AQR: variants seen among roughly 807,000 people sequenced by gnomAD.
The protein encoded by AQR is aquarius intron-binding spliceosomal factor, also known as RNA helicase aquarius.
In AQR, 61 loss-of-function variants were observed where a neutral mutation model predicts 180.5. The ratio of observed to expected loss-of-function variants is 0.34; its 90% CI spans 0.28 to 0.42. The LOEUF is 0.42. AQR is among the 10% of genes least tolerant of loss of function. The probability of loss-of-function intolerance (pLI) is 1.00; values close to 1 mark genes in which losing one functional copy is unlikely to be tolerated. For missense variants in AQR, 1,281 were observed against 1,798.3 expected (o/e 0.71, Z 5.20); for synonymous variants, 551 against 588.8 (o/e 0.94, Z 0.93).
intron 20 of AQR, among the ~76,000 whole-genome samples, chr15:34,898,655 CG>C (rs1893283550): frequency 6.6e-6 from 1 of 150,988 alleles, no homozygotes; most frequent in African/African-American, 2.4e-5. Context: ...GAGGCCGAGG[CG>C]GGTGAATCAC....
At chr15:34,925,353 G>A (rs1191544287) in intron 13 of AQR, among the ~76,000 whole-genome samples, 1 of 152,126 alleles carries the variant, frequency 6.6e-6, no homozygotes, top group Non-Finnish European at 1.5e-5. Flanking sequence ...GCATTAGTAG[G>A]GAGAAAAATA....
chr15:34,959,671 T>C (rs929021782), intron 3 of AQR, among the ~76,000 whole-genome samples: 2 of 152,362 alleles, frequency 1.3e-5, no homozygotes, highest in African/African-American at 2.4e-5. Context: ...TTTAGGATCA[T>C]CTTTGATTCT....
Position 34,893,701 on chromosome 15 carries a change from G to C in AQR, c.2533C>G (p.Pro845Ala). 1 of 1,612,982 alleles carries C rather than the reference G, an allele frequency of 6.2e-7. No individual in the cohort carries two copies. The highest frequency in any genetic ancestry group is 1.1e-5 in the South Asian group (1 of 91,048). The change falls in exon 23 of 35, where the codon CCA becomes GCA. Residue 845 changes from proline to alanine, a missense_variant. Coordinates refer to ENST00000156471, the MANE Select transcript of AQR (RefSeq NM_014691.3). ...GTAACAATTAGAGTCCTCTGTTCTG[G>C]GAAGTTGTGGTAGATGTTGGATATG... ...QIISNIYHNF[P>A]EQRTLIVTHS...
At chr15:34,938,028 T>G (rs1364619427) in intron 9 of AQR, among the ~76,000 whole-genome samples, 1 of 151,932 alleles carries the variant, frequency 6.6e-6, no homozygotes, top group African/African-American at 2.4e-5. Flanking sequence ...AGCTCATATC[T>G]CAGTAATATT....
chr15:34,885,891 T>C (rs1893052719), intron 25 of AQR, among the ~76,000 whole-genome samples: 1 of 152,172 alleles, frequency 6.6e-6, no homozygotes, highest in Non-Finnish European at 1.5e-5. Context: ...CAAATGAAGT[T>C]ATACAAAAAT....
At chr15:34,896,679 C>G (rs1436262993) in intron 22 of AQR, among the ~76,000 whole-genome samples, 1 of 152,112 alleles carries the variant, frequency 6.6e-6, no homozygotes, top group African/African-American at 2.4e-5. Flanking sequence ...AAAACCCTGC[C>G]TCTACTAAAA....
intron 24 of AQR, 111 bp downstream of exon 24, chr15:34,890,104 A>G: frequency 1.1e-6 from 1 of 907,590 alleles, no homozygotes; most frequent in Non-Finnish European, 1.6e-6. Context: ...TTAAGTTAGA[A>G]CCTTTCAGAA....
chr15:34,872,069 A>C (rs1347841004), intron 30 of AQR, among the ~76,000 whole-genome samples: 1 of 152,042 alleles, frequency 6.6e-6, no homozygotes, highest in Non-Finnish European at 1.5e-5. Flanking sequence ...AGCTTGAGTT[A>C]CAAGTTCATT....
At chr15:34,935,106 TTA>T (rs1346130786) in intron 9 of AQR, among the ~76,000 whole-genome samples, 3 of 152,054 alleles carry the variant, frequency 2.0e-5, no homozygotes, top group Non-Finnish European at 4.4e-5. Flanking sequence ...GCACTGAAAA[TTA>T]GAGAGGTAAT....
At chr15:34,872,054 C>A (rs553756533) in intron 30 of AQR, among the ~76,000 whole-genome samples, 25 of 151,596 alleles carry the variant, frequency 1.6e-4, no homozygotes, top group Non-Finnish European at 3.2e-4. Context: ...TTCTTTGTGA[C>A]GCACAGCTTG....
At chr15:34,895,956 T>C (rs1893237614) in intron 22 of AQR, among the ~76,000 whole-genome samples, 1 of 152,166 alleles carries the variant, frequency 6.6e-6, no homozygotes, top group Non-Finnish European at 1.5e-5. Flanking sequence ...TGCTGGGCCA[T>C]AAAACAAATT....
In AQR at chr15:34,856,589, T is replaced by C. The variant is rs1892588271; in HGVS notation, c.*203A>G. ...ACATGAAAGGAATGGTTATTTGCTCTTCTGATTGAACAAATGAAACTAGAA... is the reference window on the plus strand; with the variant it reads ...ACATGAAAGGAATGGTTATTTGCTCCTCTGATTGAACAAATGAAACTAGAA... On this transcript the variant is annotated 3_prime_UTR_variant, in exon 35 of 35. Coordinates refer to ENST00000156471, the MANE Select transcript of AQR (RefSeq NM_014691.3). 1 of 461,684 alleles carries C rather than the reference T, an allele frequency of 2.2e-6. No homozygotes were observed. Among genetic ancestry groups the C allele is most frequent in the African/African-American group, 2.0e-5 (1 of 50,542 alleles). The allele number at this position is 461,684 out of a possible 1,614,324, so 28.6% of individuals were successfully genotyped here.
intron 6 of AQR, chr15:34,943,335 A>C (rs1894056324): frequency 6.7e-7 from 1 of 1,499,714 alleles, no homozygotes; most frequent in African/African-American, 1.4e-5. Context: ...GGCTATTAAA[A>C]GATGCAAGCA....
intron 8 of AQR, among the ~76,000 whole-genome samples, chr15:34,939,534 G>C (rs1249368043): frequency 5.9e-5 from 9 of 152,106 alleles, no homozygotes. Context: ...GTATAATAGA[G>C]TATTACAATA....
At chr15:34,942,232 C>T (rs1894034041) in intron 6 of AQR, 152 bp from the exon 7 acceptor site, 3 of 456,216 alleles carry the variant, frequency 6.6e-6, no homozygotes, top group Non-Finnish European at 1.1e-5. Flanking sequence ...AAGTTCAATG[C>T]TTTAAAAAAG....
intron 19 of AQR, among the ~76,000 whole-genome samples, chr15:34,901,728 G>A (rs924743915): frequency 6.6e-6 from 1 of 152,136 alleles, no homozygotes; most frequent in Admixed American, 6.5e-5. Flanking sequence ...ACACTTACCA[G>A]TACCTGACAT....
chr15:34,951,674 A>G (rs993141225), intron 4 of AQR, among the ~76,000 whole-genome samples: 4 of 152,034 alleles, frequency 2.6e-5, no homozygotes, highest in Non-Finnish European at 5.9e-5. Context: ...TCTCAAAAAA[A>G]AAAAAAAAAA....
intron 15 of AQR, among the ~76,000 whole-genome samples, chr15:34,917,994 CA>C (rs1169997577): frequency 6.6e-6 from 1 of 151,098 alleles, no homozygotes; most frequent in Non-Finnish European, 1.5e-5. Context: ...CACTAACAAA[CA>C]AAAAAAACCA....
rs530602023 is a variant in AQR, at chr15:34,912,858, C to T, written c.1484+2180G>A. On this transcript the variant is annotated intron_variant, in intron 16 of 34. Coordinates refer to ENST00000156471, the MANE Select transcript of AQR (RefSeq NM_014691.3). ...AGATAAACTGCCTCCTATGTAAAGA[C>T]TTTATGTCACAACAAAAAATTGTAG... Among the ~76,000 whole-genome samples the T allele has an allele frequency of 2.0e-5, 3 of 152,236 alleles. No individual in the cohort carries two copies. The South Asian group carries it at 6.2e-4, about 32-fold the overall frequency.
Sources: gnomAD v4.1 joint callset for allele counts (sites outside exome capture counted in the v4.1 genomes callset) on GRCh38, gnomAD v4.1.1 for gene constraint, MANE v1.5 for transcripts, NCBI Gene and HGNC (gene_info 2026-07-23, HGNC 2026-07-21) for gene names.